Variants in TSPAN8 observed in about 807,000 individuals in gnomAD.
The protein encoded by TSPAN8 is tetraspanin-8.
TSPAN8 carries 21 observed loss-of-function variants against 32.8 expected under a neutral mutation model. The ratio of observed to expected loss-of-function variants is 0.64; its 90% CI spans 0.45 to 0.92. The LOEUF is 0.92. TSPAN8 is among the 40% of genes least tolerant of loss of function. TSPAN8 has a pLI of 0.00. For synonymous variants in TSPAN8, 95 were observed against 94.6 expected (o/e 1.00, Z -0.03); for missense variants, 269 against 281.9 (o/e 0.95, Z 0.33).
chr12:71,128,356 G>A lies in TSPAN8; in HGVS notation c.660+975C>T, dbSNP rs573804461. 2.0e-4 allele frequency among the ~76,000 whole-genome samples: 30 copies of A among 152,244 alleles called. No homozygotes were observed. The South Asian group carries it at 6.0e-3, about 30-fold the overall frequency. On this transcript the variant is annotated intron_variant, in intron 8 of 8. Transcript: ENST00000247829. ...TTTCTTTCTGGCAGTGATGTGGCAC[G>A]AGTAAGAGGTAGAAAATTACCAGAA... is the stretch of plus-strand genomic sequence containing the variant.
At chr12:71,133,020 A>C (rs1871570168) in intron 6 of TSPAN8, among the ~76,000 whole-genome samples, 196 bp from the exon 7 acceptor site, 1 of 152,208 alleles carries the variant, frequency 6.6e-6, no homozygotes, top group African/African-American at 2.4e-5. Context: ...TAATGATGGA[A>C]AAATGGAGTT....
intron 2 of TSPAN8, among the ~76,000 whole-genome samples, chr12:71,145,181 T>C (rs1360872315): frequency 6.6e-6 from 1 of 152,110 alleles, no homozygotes; most frequent in African/African-American, 2.4e-5. Flanking sequence ...GACAGCACTT[T>C]TAATGGCTTC....
At chr12:71,139,636 T>C in intron 4 of TSPAN8, 75 bp downstream of exon 4, 1 of 1,528,894 alleles carries the variant, frequency 6.5e-7, no homozygotes, top group South Asian at 1.3e-5. Flanking sequence ...CACGTTCTTT[T>C]AACAGACAAT....
intron 6 of TSPAN8, among the ~76,000 whole-genome samples, chr12:71,133,673 G>A (rs1052691589): frequency 1.4e-4 from 22 of 152,070 alleles, no homozygotes; most frequent in African/African-American, 4.1e-4. Context: ...GAAGAATGAA[G>A]CTCTTAGAAT....
At chr12:71,127,906 C>T (rs1052402394) in intron 8 of TSPAN8, among the ~76,000 whole-genome samples, 2 of 152,178 alleles carry the variant, frequency 1.3e-5, no homozygotes, top group East Asian at 1.9e-4. Flanking sequence ...TTAAATATCT[C>T]ATTTAAAGCA....
At position 71,156,274 on chromosome 12, in the gene TSPAN8, A is replaced by AAAAC. The variant is rs1565791297; in HGVS notation, c.60+1344_60+1345insGTTT. ...CCAAAAAAAAAAAAAAAAAACAAAC[A>AAAAC]AAAAAAAAACTAGAAACAAAACAAA... On this transcript the variant is annotated intron_variant, in intron 2 of 8. Transcript: ENST00000247829. Among the ~76,000 whole-genome samples the AAAAC allele has an allele frequency of 3.1e-4, 13 of 42,284 alleles. 1 individual carries two copies. The highest frequency in any genetic ancestry group is 1.0e-3 in the African/African-American group (13 of 12,686). The allele number at this position is 42,284 out of a possible 152,430, so 27.7% of individuals were successfully genotyped here. A position where few individuals can be genotyped will look rare whatever the true frequency, so the allele number is the denominator to read the frequency against.
At chr12:71,134,158 A>G (rs1433361007) in intron 6 of TSPAN8, among the ~76,000 whole-genome samples, 1 of 152,242 alleles carries the variant, frequency 6.6e-6, no homozygotes, top group African/African-American at 2.4e-5. Flanking sequence ...CAGATTTATC[A>G]TAAAGATAAA....
At chr12:71,130,202 C>A (rs549559181) in intron 7 of TSPAN8, among the ~76,000 whole-genome samples, 1 of 152,258 alleles carries the variant, frequency 6.6e-6, no homozygotes, top group African/African-American at 2.4e-5. Flanking sequence ...AATCCACCGG[C>A]CTCAGCCTCT....
chr12:71,129,138 A>G (rs1247406944), intron 8 of TSPAN8, among the ~76,000 whole-genome samples, 193 bp downstream of exon 8: 2 of 151,856 alleles, frequency 1.3e-5, no homozygotes, highest in Non-Finnish European at 2.9e-5. Context: ...TAAGACTGGA[A>G]TCTCCCCCTC....
chr12:71,139,088 C>T (rs1871807206), intron 4 of TSPAN8: 1 of 455,906 alleles, frequency 2.2e-6, no homozygotes, highest in African/African-American at 2.0e-5. Flanking sequence ...CTGATTATCT[C>T]ATTCATTTAA....
chr12:71,145,789 C>G (rs1228702508), intron 2 of TSPAN8, among the ~76,000 whole-genome samples: 1 of 152,060 alleles, frequency 6.6e-6, no homozygotes, highest in East Asian at 1.9e-4. Context: ...TCGTTTTCTT[C>G]TCTTTTCACA....
intron 6 of TSPAN8, among the ~76,000 whole-genome samples, chr12:71,137,604 CA>C (rs35204865): frequency 0.72 from 109,201 of 151,140 alleles, 40,182 homozygotes; most frequent in Non-Finnish European, 0.81. Flanking sequence ...TGTCCCCCCC[CA>C]AAAAAAAGGG....
intron 2 of TSPAN8, among the ~76,000 whole-genome samples, chr12:71,145,387 T>C (rs941578265): frequency 3.3e-5 from 5 of 152,136 alleles, no homozygotes; most frequent in Non-Finnish European, 5.9e-5. Context: ...GAGCAATTCC[T>C]AACCAATCTG....
rs760787994 is a variant in TSPAN8, at chr12:71,132,723, T to G, written c.546A>C (p.Gln182His). The stretch of plus-strand genomic sequence containing the variant: ...TGTAAACTTGTTTTCCATTATAGCT[T>G]TGGCATGGTCTCTGCTTATCTAGAC... ...CACLDKQRPC[Q>H]SYNGKQVYKE... is the part of the protein sequence containing the mutation. Residue 182 changes from glutamine to histidine, a missense_variant, in exon 7 of 9, where the codon CAA becomes CAC. Coordinates refer to ENST00000247829, the MANE Select transcript of TSPAN8 (RefSeq NM_004616.3). 6 of 1,613,836 alleles carry G rather than the reference T, an allele frequency of 3.7e-6. No homozygotes were observed. The highest frequency in any genetic ancestry group is 5.1e-6 in the Non-Finnish European group (6 of 1,179,954).
In TSPAN8 at chr12:71,139,714, C is replaced by A; in HGVS notation, c.258G>T (p.Leu86=). ...GAIKESRCML[L]LFFIGLLLIL... is the part of the protein sequence containing the mutation. ...GGGATTTGTTTGGAGAACTCACCAA[C>A]AGAAGCATGCAGCGACTTTCTTTTA... The change falls in exon 4 of 9, where the codon CTG becomes CTT. Residue 86 remains leucine, a synonymous_variant. Coordinates refer to ENST00000247829, the MANE Select transcript of TSPAN8 (RefSeq NM_004616.3). The A allele has an allele frequency of 6.2e-7, 1 of 1,613,312 alleles. No homozygotes were observed. The highest frequency in any genetic ancestry group is 8.5e-7 in the Non-Finnish European group (1 of 1,179,532).
At chr12:71,153,374 T>C (rs1050052036) in intron 2 of TSPAN8, among the ~76,000 whole-genome samples, 2 of 152,248 alleles carry the variant, frequency 1.3e-5, no homozygotes, top group African/African-American at 4.8e-5. Context: ...CACTTTTACA[T>C]GTTTTTCTTC....
At chr12:71,146,073 A>G (rs2137057243) in intron 2 of TSPAN8, among the ~76,000 whole-genome samples, 1 of 152,264 alleles carries the variant, frequency 6.6e-6, no homozygotes, top group East Asian at 1.9e-4. Context: ...CTCAGATAGC[A>G]ACTTTTAGTC....
chr12:71,141,680 G>A (rs995006779), intron 3 of TSPAN8, among the ~76,000 whole-genome samples: 72 of 152,186 alleles, frequency 4.7e-4, no homozygotes, highest in African/African-American at 1.7e-3. Flanking sequence ...ACTGTCTAGT[G>A]GTCATTGTTC....
intron 3 of TSPAN8, among the ~76,000 whole-genome samples, chr12:71,142,271 T>C (rs1871925042): frequency 6.6e-6 from 1 of 152,186 alleles, no homozygotes; most frequent in Admixed American, 6.5e-5. Flanking sequence ...AGATGCTGTC[T>C]AGCTCTATTA....
Sources: gnomAD v4.1 joint callset for allele counts (sites outside exome capture counted in the v4.1 genomes callset) on GRCh38, gnomAD v4.1.1 for gene constraint, MANE v1.5 for transcripts, NCBI Gene and HGNC (gene_info 2026-07-23, HGNC 2026-07-21) for gene names.